The following C4BPB variants were observed in gnomAD, a reference collection of about 807,000 sequenced individuals.
The protein encoded by C4BPB is C4b-binding protein beta chain.
A neutral mutation model predicts 26.6 loss-of-function variants in C4BPB; 19 were observed. The observed-to-expected ratio is 0.71, with a 90% CI of 0.50 to 1.05. C4BPB has a LOEUF of 1.05. C4BPB is among the 50% of genes least tolerant of loss of function. C4BPB has a pLI of 0.00. For synonymous variants in C4BPB, 118 were observed against 103.5 expected (o/e 1.14, Z -0.85); for missense variants, 282 against 302.9 (o/e 0.93, Z 0.51).
intron 3 of C4BPB, 67 bp from the exon 4 acceptor site, chr1:207,091,577 G>A (rs1166547135): frequency 3.0e-6 from 4 of 1,330,794 alleles, no homozygotes; most frequent in Admixed American, 3.8e-5. Flanking sequence ...AGACTGAGGA[G>A]GTCTGGCCTT....
chr1:207,091,964 G>A, intron 4 of C4BPB, 144 bp downstream of exon 4: 1 of 663,620 alleles, frequency 1.5e-6, no homozygotes, highest in Non-Finnish European at 2.5e-6. Flanking sequence ...TGAAACAAGT[G>A]GAGCTCACAG....
intron 4 of C4BPB, among the ~76,000 whole-genome samples, chr1:207,092,843 T>A (rs1403457490): frequency 6.6e-6 from 1 of 152,070 alleles, no homozygotes; most frequent in Non-Finnish European, 1.5e-5. Flanking sequence ...GCCAGACTGG[T>A]CTTGAACTCC....
chr1:207,092,730 C>T (rs544651801), intron 4 of C4BPB, among the ~76,000 whole-genome samples: 13 of 150,774 alleles, frequency 8.6e-5, no homozygotes, highest in East Asian at 1.9e-4. Flanking sequence ...CAGGTTCTAG[C>T]GATTCTGCTG....
chr1:207,095,476 GC>G (rs772802095), intron 4 of C4BPB: 41 of 452,964 alleles, frequency 9.1e-5, no homozygotes, highest in Non-Finnish European at 1.8e-5. Flanking sequence ...GATTACAGGT[GC>G]GCACCCACGC....
At chr1:207,096,324 A>G (rs1684247444) in intron 4 of C4BPB, 198 bp from the exon 5 acceptor site, 2 of 570,080 alleles carry the variant, frequency 3.5e-6, no homozygotes, top group Admixed American at 3.0e-5. Flanking sequence ...CCCATGGACA[A>G]ATATGATTTA....
chr1:207,098,977 G>A (rs1684363930), intron 6 of C4BPB, among the ~76,000 whole-genome samples: 1 of 151,964 alleles, frequency 6.6e-6, no homozygotes, highest in Non-Finnish European at 1.5e-5. Context: ...TGGGAGTGAT[G>A]GGAGACAGTG....
At chr1:207,094,076 A>C (rs575178864) in intron 4 of C4BPB, among the ~76,000 whole-genome samples, 2 of 152,348 alleles carry the variant, frequency 1.3e-5, no homozygotes, top group African/African-American at 4.8e-5. Flanking sequence ...AAAAAATGAA[A>C]AGATGGATTT....
intron 4 of C4BPB, among the ~76,000 whole-genome samples, chr1:207,093,145 A>G (rs1684104946): frequency 6.6e-6 from 1 of 152,224 alleles, no homozygotes; most frequent in Non-Finnish European, 1.5e-5. Flanking sequence ...CACAAGATCT[A>G]TATGAAAATT....
chr1:207,096,510 C>T lies in C4BPB; in HGVS notation c.410-12C>T, dbSNP rs56054349. 4,232 of 1,533,108 alleles carry T rather than the reference C, an allele frequency of 2.8e-3. 83 individuals are homozygous for T. In the African/African-American group the frequency reaches 0.043, roughly 16 times the overall value. The allele number at this position is 1,533,108 out of a possible 1,614,324, so 95.0% of individuals were successfully genotyped here. The stretch of plus-strand genomic sequence containing the variant: ...CCCTCATAACTATGACTTCTATACT[C>T]GTTTCTCTCAGGGGACTGTGACCCT... On this transcript the variant is annotated splice_polypyrimidine_tract_variant and intron_variant, in intron 4 of 6. Coordinates refer to ENST00000367078, the MANE Select transcript of C4BPB (RefSeq NM_001017365.3).
At chr1:207,095,220 T>C in intron 4 of C4BPB, 1 of 450,992 alleles carries the variant, frequency 2.2e-6, no homozygotes, top group South Asian at 1.6e-5. Context: ...GCTTTAGTGC[T>C]ACATAGCTAG....
chr1:207,090,554 G>A, intron 3 of C4BPB, 73 bp downstream of exon 3: 1 of 1,375,548 alleles, frequency 7.3e-7, no homozygotes, highest in East Asian at 2.4e-5. Context: ...ACTTCCTATA[G>A]GCTGTGGTAA....
chr1:207,090,237 G>A, intron 2 of C4BPB, 71 bp from the exon 3 acceptor site: 1 of 1,187,356 alleles, frequency 8.4e-7, no homozygotes, highest in Non-Finnish European at 1.2e-6. Context: ...ACATGAGAAT[G>A]GGGAAATCTA....
In C4BPB at chr1:207,090,404, G is replaced by T. The variant is rs1274850410; in HGVS notation, c.155G>T (p.Gly52Val). 5.6e-6 allele frequency: 9 copies of T among 1,613,986 alleles called. No individual in the cohort carries two copies. The highest frequency in any genetic ancestry group is 7.6e-6 in the Non-Finnish European group (9 of 1,179,928). ...CTGGGGACTTACGTTTGTATCAAGG[G>T]CTACCACCTGGTAGGAAAGAAGACC... ...QILGTYVCIKGYHLVGKKTLF... is the reference protein window; with the variant it reads ...QILGTYVCIKVYHLVGKKTLF... The change falls in exon 3 of 7, where the codon GGC becomes GTC. Residue 52 changes from glycine to valine, a missense_variant. Coordinates refer to ENST00000367078, the MANE Select transcript of C4BPB (RefSeq NM_001017365.3).
chr1:207,089,587 A>G lies in C4BPB; in HGVS notation c.56A>G (p.Asp19Gly), dbSNP rs1372665725. ...LMVAWRVSAS[D>G]AEHCPELPPV... ...GTTGCGTGGCGAGTTTCTGCTTCAG[A>G]TGGTACGTATGCTTTCCTTCAACTC... The change falls in exon 2 of 7, where the codon GAT becomes GGT. Residue 19 changes from aspartate to glycine, a missense_variant and splice_region_variant. Coordinates refer to ENST00000367078, the MANE Select transcript of C4BPB (RefSeq NM_001017365.3). 19 of 1,613,838 alleles carry G rather than the reference A, an allele frequency of 1.2e-5. No homozygotes were observed. The highest frequency in any genetic ancestry group is 1.6e-5 in the Non-Finnish European group (19 of 1,179,814).
chr1:207,095,490 G>A lies in C4BPB; in HGVS notation c.410-1032G>A, dbSNP rs776641038. 1.4e-4 allele frequency: 63 copies of A among 444,596 alleles called. 1 individual carries two copies. Among genetic ancestry groups the A allele is most frequent in the South Asian group, 6.1e-4 (38 of 62,520 alleles). 27.5% of individuals were successfully genotyped at this position (444,596 alleles called of 1,614,324 possible). On this transcript the variant is annotated intron_variant, in intron 4 of 6. Coordinates refer to ENST00000367078, the MANE Select transcript of C4BPB (RefSeq NM_001017365.3). ...GGATTACAGGTGCGCACCCACGCTG[G>A]GCTAATTTTTGTATTTTTAGTAGAG...
intron 6 of C4BPB, among the ~76,000 whole-genome samples, chr1:207,099,304 G>T (rs1684376735): frequency 1.3e-5 from 2 of 152,200 alleles, no homozygotes; most frequent in African/African-American, 4.8e-5. Flanking sequence ...CTGACAGGAG[G>T]TGGAGCTCAG....
intron 4 of C4BPB, chr1:207,096,196 C>T: frequency 3.3e-6 from 1 of 305,316 alleles, no homozygotes; most frequent in Non-Finnish European, 6.2e-6. Context: ...TTTTTCTTTT[C>T]TTGTACATTA....
Position 207,096,433 on chromosome 1 carries a change from G to A in C4BPB, c.410-89G>A, listed in dbSNP as rs55779122. 7,298 of 795,606 alleles carry A rather than the reference G, an allele frequency of 9.2e-3. 370 individuals are homozygous for A. In the African/African-American group the frequency reaches 0.11, roughly 12 times the overall value. The allele number at this position is 795,606 out of a possible 1,614,324, so 49.3% of individuals were successfully genotyped here. A position where few individuals can be genotyped will look rare whatever the true frequency, so the allele number is the denominator to read the frequency against. On this transcript the variant is annotated intron_variant, in intron 4 of 6. Coordinates refer to ENST00000367078, the MANE Select transcript of C4BPB (RefSeq NM_001017365.3). ...GCAGGTGTTGCTCTGAGGCTGTCAG[G>A]TGCTGGCATAAACAGCTGCAATTAG...
chr1:207,097,540 TAA>T (rs36078505), intron 5 of C4BPB, among the ~76,000 whole-genome samples: 15 of 115,856 alleles, frequency 1.3e-4, no homozygotes, highest in Admixed American at 6.3e-4. Context: ...TATGTTTTTC[TAA>T]AAAAAAAAAA....
Sources: allele counts gnomAD v4.1 joint callset (sites outside exome capture counted in the v4.1 genomes callset), GRCh38; gene constraint gnomAD v4.1.1; transcripts MANE v1.5; gene names NCBI Gene and HGNC (gene_info 2026-07-23, HGNC 2026-07-21).